The following SNTG1 variants were observed in gnomAD, a reference collection of about 807,000 sequenced individuals.
SNTG1 encodes gamma-1-syntrophin.
Under a neutral mutation model 74.7 loss-of-function variants are expected in SNTG1, and 39 were observed. The observed-to-expected ratio is 0.52, with a 90% CI of 0.40 to 0.68. The LOEUF (loss-of-function observed/expected upper bound fraction) is 0.68. Ranked by LOEUF, SNTG1 falls within the 30% of genes least tolerant of loss-of-function variation. The probability of loss-of-function intolerance (pLI) is 0.00; values close to 1 mark genes in which losing one functional copy is unlikely to be tolerated. For missense variants in SNTG1, 685 were observed against 609.5 expected (o/e 1.12, Z -1.30); for synonymous variants, 254 against 217.1 (o/e 1.17, Z -1.49).
chr8:50,072,203 A>G (rs1378036958), intron 1 of SNTG1, among the ~76,000 whole-genome samples: 2 of 152,194 alleles, frequency 1.3e-5, no homozygotes, highest in Non-Finnish European at 2.9e-5. Flanking sequence ...TAATATATGA[A>G]GTATGATGGT....
At chr8:50,163,344 T>G (rs968211923) in intron 1 of SNTG1, among the ~76,000 whole-genome samples, 3 of 152,154 alleles carry the variant, frequency 2.0e-5, no homozygotes, top group African/African-American at 7.2e-5. Context: ...TCTGTGTCGC[T>G]TTTACTGTTG....
chr8:50,453,646 G>A (rs1029697987), intron 8 of SNTG1, among the ~76,000 whole-genome samples: 1 of 152,164 alleles, frequency 6.6e-6, no homozygotes, highest in African/African-American at 2.4e-5. Context: ...AATGTTATGG[G>A]AATGAATGAG....
chr8:50,764,837 T>A (rs1261867194), intron 18 of SNTG1, among the ~76,000 whole-genome samples: 4 of 151,958 alleles, frequency 2.6e-5, no homozygotes, highest in Non-Finnish European at 4.4e-5. Context: ...TTCATGTTAA[T>A]TGCTACTCCA....
chr8:50,297,938 A>AAATAG (rs1216642566), intron 2 of SNTG1, among the ~76,000 whole-genome samples: 1 of 151,826 alleles, frequency 6.6e-6, no homozygotes, highest in Non-Finnish European at 1.5e-5. Flanking sequence ...ACATAGAGAA[A>AAATAG]AATAGAAGTA....
chr8:50,507,695 T>A lies in SNTG1; in HGVS notation c.466+4815T>A, dbSNP rs543846653. Among the ~76,000 whole-genome samples the A allele has an allele frequency of 5.5e-3, 841 of 151,574 alleles. 4 individuals carry two copies. Among genetic ancestry groups the A allele is most frequent in the Middle Eastern group, 0.01 (3 of 294 alleles). On this transcript the variant is annotated intron_variant, in intron 9 of 18. Transcript: ENST00000642720. ...GTCTACTATTTCATTTCTTTTTTTTTAATTATACTTTAAGTTTTAGGGTAC... is the reference window on the plus strand; with the variant it reads ...GTCTACTATTTCATTTCTTTTTTTTAAATTATACTTTAAGTTTTAGGGTAC...
chr8:50,292,157 G>T (rs147286960), intron 2 of SNTG1, among the ~76,000 whole-genome samples: 47 of 152,274 alleles, frequency 3.1e-4, no homozygotes, highest in African/African-American at 1.1e-3. Context: ...AAACCATGGG[G>T]CTGGATGACA....
intron 9 of SNTG1, among the ~76,000 whole-genome samples, chr8:50,506,879 C>A (rs1350946282): frequency 6.6e-6 from 1 of 151,908 alleles, no homozygotes; most frequent in African/African-American, 2.4e-5. Context: ...GGCATCCTTG[C>A]CTTATTCTTA....
chr8:49,962,465 T>C (rs74479542), intron 1 of SNTG1, among the ~76,000 whole-genome samples: 1,880 of 151,950 alleles, frequency 0.012, 38 homozygotes, highest in African/African-American at 0.043. Flanking sequence ...AACAAGGTCA[T>C]CATGAGGAAA....
At chr8:50,669,373 C>T (rs916091595) in intron 15 of SNTG1, among the ~76,000 whole-genome samples, 9 of 152,040 alleles carry the variant, frequency 5.9e-5, no homozygotes, top group Admixed American at 1.3e-4. Flanking sequence ...CCACTGATCC[C>T]ACAGAAATAC....
intron 13 of SNTG1, among the ~76,000 whole-genome samples, chr8:50,630,543 A>C (rs992064958): frequency 7.9e-5 from 12 of 151,424 alleles, no homozygotes; most frequent in Non-Finnish European, 1.2e-4. Context: ...TTAAAACATA[A>C]TGTGACTTAA....
rs563960938 is a variant in SNTG1, at chr8:50,131,857, A to T, written c.-102-40704A>T. 6.0e-4 allele frequency among the ~76,000 whole-genome samples: 91 copies of T among 152,120 alleles called. No individual in the cohort carries two copies. The East Asian group carries it at 0.013, about 21-fold the overall frequency. On this transcript the variant is annotated intron_variant, in intron 1 of 18. Coordinates refer to ENST00000642720, the MANE Select transcript of SNTG1 (RefSeq NM_018967.5). ...TTCCCAACACTTGTTACCTTTATAT[A>T]TATACAATATATATAAAATAGCCAT...
intron 8 of SNTG1, among the ~76,000 whole-genome samples, chr8:50,486,833 C>CTAAT (rs763460341): frequency 4.6e-5 from 7 of 151,950 alleles, no homozygotes; most frequent in Middle Eastern, 3.2e-3. Flanking sequence ...CCATCAATAC[C>CTAAT]TAATTTATTG....
chr8:50,682,826 G>A (rs995958073), intron 15 of SNTG1, among the ~76,000 whole-genome samples: 1 of 152,080 alleles, frequency 6.6e-6, no homozygotes, highest in African/African-American at 2.4e-5. Flanking sequence ...GTTCTGTTTA[G>A]GCATACACAA....
chr8:50,544,698 A>T (rs2094373550), intron 11 of SNTG1, among the ~76,000 whole-genome samples: 1 of 152,068 alleles, frequency 6.6e-6, no homozygotes, highest in Non-Finnish European at 1.5e-5. Context: ...TGACAGCAAT[A>T]AGCATTTACA....
intron 17 of SNTG1, among the ~76,000 whole-genome samples, chr8:50,747,525 T>C (rs1161318899): frequency 3.3e-5 from 5 of 152,044 alleles, no homozygotes; most frequent in African/African-American, 1.2e-4. Flanking sequence ...ACTAGGATTC[T>C]ACCTTATCAT....
At chr8:50,033,180 A>G (rs927373803) in intron 1 of SNTG1, among the ~76,000 whole-genome samples, 7 of 151,662 alleles carry the variant, frequency 4.6e-5, no homozygotes, top group Middle Eastern at 3.2e-3. Context: ...CAATGGTGCA[A>G]TGGCACTATG....
intron 1 of SNTG1, among the ~76,000 whole-genome samples, chr8:50,149,401 T>A (rs1370436729): frequency 6.6e-6 from 1 of 152,198 alleles, no homozygotes; most frequent in Non-Finnish European, 1.5e-5. Context: ...TTTGATTAGA[T>A]CCCATTTGTC....
At chr8:50,724,322 A>G (rs1269425244) in intron 17 of SNTG1, among the ~76,000 whole-genome samples, 2 of 152,154 alleles carry the variant, frequency 1.3e-5, no homozygotes, top group Non-Finnish European at 2.9e-5. Flanking sequence ...TCGGAGACAT[A>G]TTTAAATGTT....
intron 2 of SNTG1, among the ~76,000 whole-genome samples, chr8:50,329,833 G>C (rs113476343): frequency 6.6e-6 from 1 of 151,644 alleles, no homozygotes; most frequent in African/African-American, 2.4e-5. Context: ...CTATTGCATC[G>C]TCAGGTTGCA....
Sources: gnomAD v4.1 joint callset for allele counts (sites outside exome capture counted in the v4.1 genomes callset) on GRCh38, gnomAD v4.1.1 for gene constraint, MANE v1.5 for transcripts, NCBI Gene and HGNC (gene_info 2026-07-23, HGNC 2026-07-21) for gene names.